The following SDC3 variants were observed in gnomAD, a reference collection of about 807,000 sequenced individuals.
SDC3 encodes the protein syndecan 3, also known as syndecan-3.
Under a neutral mutation model 24.4 loss-of-function variants are expected in SDC3, and 13 were observed. The ratio of observed to expected loss-of-function variants is 0.53; its 90% CI spans 0.35 to 0.85. The LOEUF is 0.85. SDC3 is among the 40% of genes least tolerant of loss of function. The probability of loss-of-function intolerance (pLI) is 0.01; values close to 1 mark genes in which losing one functional copy is unlikely to be tolerated. For synonymous variants in SDC3, 295 were observed against 260.9 expected, an observed-to-expected ratio of 1.13 and a Z score of -1.26; for missense variants, 571 against 584.5, an observed-to-expected ratio of 0.98 and a Z score of 0.24.
intron 1 of SDC3, among the ~76,000 whole-genome samples, chr1:30,889,483 G>A (rs1639876329): frequency 6.6e-6 from 1 of 152,168 alleles, no homozygotes; most frequent in Non-Finnish European, 1.5e-5. Context: ...TCTCCTTGAT[G>A]CTCCCTGTCT....
Position 30,873,215 on chromosome 1 carries a change from G to T in SDC3, c.1325C>A (p.Ala442Asp), listed in dbSNP as rs760933337. The change falls in exon 5 of 5, where the codon GCC becomes GAC. Residue 442 changes from alanine (A) to aspartate (D), a missense_variant. Ala to Asp is a moderately radical substitution (Grantham distance 126, BLOSUM62 -2). Around this residue, in one of 2 missense-constraint regions of SDC3, gnomAD observed 74 missense variants for 112.9 expected, o/e 0.66. Coordinates refer to ENST00000339394, the MANE Select transcript of SDC3 (RefSeq NM_014654.4). ...QKPDKQEEFY[A>D] ...CAGGGAGGCACTGTGGCTCCACTAG[G>T]CATAGAACTCCTCCTGCTTGTCAGG... The T allele has an allele frequency of 6.2e-7, 1 of 1,612,160 alleles. No homozygotes were observed. Among genetic ancestry groups the T allele is most frequent in the Non-Finnish European group, 8.5e-7 (1 of 1,178,210 alleles).
At position 30,876,841 on chromosome 1, in the gene SDC3, G is replaced by T. The variant is rs1381047456; in HGVS notation, c.581C>A (p.Pro194His). 1.9e-6 allele frequency: 3 copies of T among 1,612,492 alleles called. No homozygotes were observed. The South Asian group carries it at 3.3e-5, about 18-fold the overall frequency. ...AACAGCAGTGGTGGCCGTAAAAGGG[G>T]GTGCTGCAGGGGTGCTGGGGGTGGC... ...ATATPSTPAAPPFTATTAVIR... is the reference protein window; with the variant it reads ...ATATPSTPAAHPFTATTAVIR... The change falls in exon 3 of 5, where the codon CCC becomes CAC. Residue 194 changes from proline to histidine, a missense_variant. Pro to His is a moderately conservative substitution (Grantham distance 77). Around this residue, in one of 2 missense-constraint regions of SDC3, gnomAD observed 497 missense variants for 471.6 expected, o/e 1.05. Transcript: ENST00000339394.
intron 2 of SDC3, chr1:30,878,394 TGG>T: frequency 2.0e-6 from 1 of 488,756 alleles, no homozygotes; most frequent in Admixed American, 3.3e-5. Context: ...CGTGGGACCC[TGG>T]AGACCTGGAC....
intron 1 of SDC3, among the ~76,000 whole-genome samples, chr1:30,894,620 TGTGG>T (rs1210330115): frequency 2.6e-5 from 1 of 38,690 alleles, no homozygotes; most frequent in Non-Finnish European, 6.5e-5. Flanking sequence ...TGAGTGTGAG[TGTGG>T]GTGAGAGTGT....
At chr1:30,873,428 G>C (rs757927824) in intron 4 of SDC3, 51 bp from the exon 5 acceptor site, 2 of 1,463,258 alleles carry the variant, frequency 1.4e-6, no homozygotes, top group South Asian at 2.4e-5. Flanking sequence ...GTAGAACCAG[G>C]GCAAAGGGTC....
chr1:30,895,002 C>T (rs1001382608), intron 1 of SDC3, among the ~76,000 whole-genome samples: 1 of 151,992 alleles, frequency 6.6e-6, no homozygotes, highest in African/African-American at 2.4e-5. Context: ...TGCACAGGTC[C>T]ATGTTCCTCC....
chr1:30,887,363 T>G (rs1303363288), intron 1 of SDC3, among the ~76,000 whole-genome samples: 1 of 152,172 alleles, frequency 6.6e-6, no homozygotes, highest in African/African-American at 2.4e-5. Flanking sequence ...ACTGGTTACC[T>G]GGTCACATCC....
intron 1 of SDC3, among the ~76,000 whole-genome samples, chr1:30,894,105 G>A (rs144681326): frequency 8.5e-5 from 13 of 152,104 alleles, no homozygotes; most frequent in African/African-American, 1.9e-4. Context: ...TATTTTCGTA[G>A]CTCAGAGCCC....
intron 1 of SDC3, among the ~76,000 whole-genome samples, chr1:30,885,801 G>T (rs529925705): frequency 6.6e-6 from 1 of 152,304 alleles, no homozygotes; most frequent in South Asian, 2.1e-4. Context: ...CCTGTTCCTG[G>T]CTCAGCCGGG....
intron 1 of SDC3, among the ~76,000 whole-genome samples, chr1:30,889,772 C>T (rs1019571882): frequency 6.6e-6 from 1 of 152,124 alleles, no homozygotes; most frequent in African/African-American, 2.4e-5. Context: ...ACAGCACAGC[C>T]GCTTTAGGAA....
Position 30,908,466 on chromosome 1 carries a change from C to CCAG in SDC3, c.118_120dup (p.Leu40dup), listed in dbSNP as rs769204859. 26 of 1,033,492 alleles carry CCAG rather than the reference C, an allele frequency of 2.5e-5. No individual in the cohort carries two copies. The highest frequency in any genetic ancestry group is 9.7e-5 in the Admixed American group (2 of 20,638). 64.0% of individuals were successfully genotyped at this position (1,033,492 alleles called of 1,614,324 possible). A position where few individuals can be genotyped will look rare whatever the true frequency, so the allele number is the denominator to read the frequency against. ...TCACTCACCCCCGCGGCGCGCCCCG[C>CCAG]CAGCAGCAGCAGCAGCAGCGGTGGC... is the stretch of plus-strand genomic sequence containing the variant. On this transcript the variant is annotated inframe_insertion, in exon 1 of 5. Coordinates refer to ENST00000339394, the MANE Select transcript of SDC3 (RefSeq NM_014654.4).
intron 1 of SDC3, among the ~76,000 whole-genome samples, chr1:30,892,414 C>A (rs953425388): frequency 1.3e-5 from 2 of 151,948 alleles, no homozygotes; most frequent in African/African-American, 2.4e-5. Context: ...TGCCCACCAG[C>A]CTTAGCCCCA....
At chr1:30,903,564 G>T (rs1271549196) in intron 1 of SDC3, among the ~76,000 whole-genome samples, 1 of 152,114 alleles carries the variant, frequency 6.6e-6, no homozygotes, top group African/African-American at 2.4e-5. Context: ...GCCTTGGGAG[G>T]CGGTAGATGA....
chr1:30,902,394 G>C (rs1237061224), intron 1 of SDC3, among the ~76,000 whole-genome samples: 2 of 152,226 alleles, frequency 1.3e-5, no homozygotes, highest in Non-Finnish European at 2.9e-5. Flanking sequence ...AGGGGGGCCG[G>C]AAGTGAAGGC....
intron 1 of SDC3, among the ~76,000 whole-genome samples, chr1:30,890,390 C>G (rs1639887171): frequency 6.6e-6 from 1 of 152,166 alleles, no homozygotes; most frequent in Non-Finnish European, 1.5e-5. Flanking sequence ...AAATTGGCCA[C>G]AAAAGACCAC....
intron 1 of SDC3, among the ~76,000 whole-genome samples, chr1:30,894,383 TGTGA>T (rs1459282593): frequency 2.0e-5 from 2 of 100,194 alleles, no homozygotes; most frequent in South Asian, 3.5e-4. Context: ...TGGGTGAGAG[TGTGA>T]GTGTGTGGGG....
intron 1 of SDC3, among the ~76,000 whole-genome samples, chr1:30,899,468 G>A (rs545666798): frequency 4.6e-5 from 7 of 152,154 alleles, no homozygotes; most frequent in East Asian, 3.9e-4. Context: ...TCCGCCTCCC[G>A]GGTTCAAGCA....
rs536663051 is a variant in SDC3 at position 30,883,791 on chromosome 1, C to T, written c.139-5051G>A. ...AGGAGGGGGCGGGGTTAGTCTGCCA[C>T]GAAGCATTCAGAGAGGTAAAGTGAT... On this transcript the variant is annotated intron_variant, in intron 1 of 4. Transcript: ENST00000339394. Among the ~76,000 whole-genome samples, 31 of 152,178 alleles carry T rather than the reference C, an allele frequency of 2.0e-4. 1 individual carries two copies. Among genetic ancestry groups the T allele is most frequent in the African/African-American group, 6.5e-4 (27 of 41,492 alleles).
chr1:30,878,693 C>T lies in SDC3; in HGVS notation c.186G>A (p.Glu62=). The part of the protein sequence containing the change: ...SENFERPVDL[E]GSGDDDSFPD... The stretch of plus-strand genomic sequence containing the variant: ...GAAAGGAGTCATCATCCCCAGAGCC[C>T]TCCAGGTCCACGGGTCTCTCGAAGT... The change falls in exon 2 of 5, where the codon GAG becomes GAA. Residue 62 remains glutamate (E), a synonymous_variant. Transcript: ENST00000339394. The T allele has an allele frequency of 6.2e-7, 1 of 1,614,222 alleles. No individual in the cohort carries two copies. The highest frequency in any genetic ancestry group is 1.1e-5 in the South Asian group (1 of 91,084).
Sources: allele counts gnomAD v4.1 joint callset (sites outside exome capture counted in the v4.1 genomes callset), GRCh38; gene constraint gnomAD v4.1.1; regional missense constraint gnomAD v4.1.1; transcripts MANE v1.5; gene names NCBI Gene and HGNC (gene_info 2026-07-23, HGNC 2026-07-21).